STK32B: variants seen among roughly 807,000 people sequenced by gnomAD.
The protein encoded by STK32B is serine/threonine-protein kinase 32B.
Under a neutral mutation model 52.6 loss-of-function variants are expected in STK32B, and 43 were observed. The observed-to-expected ratio is 0.82, with a 90% confidence interval of 0.64 to 1.05. The LOEUF is 1.05. STK32B is among the 50% of genes least tolerant of loss of function. STK32B has a pLI of 0.00. For synonymous variants in STK32B, 238 were observed against 204.3 expected (o/e 1.17, Z -1.41); for missense variants, 621 against 534.6 (o/e 1.16, Z -1.59).
intron 4 of STK32B, among the ~76,000 whole-genome samples, chr4:5,389,619 A>G (rs1475614961): frequency 1.3e-5 from 2 of 152,072 alleles, no homozygotes; most frequent in Non-Finnish European, 2.9e-5. Flanking sequence ...TCTCCCAACT[A>G]TGGTTGCATT....
At chr4:5,195,212 T>C (rs1560214687) in intron 3 of STK32B, among the ~76,000 whole-genome samples, 1 of 152,146 alleles carries the variant, frequency 6.6e-6, no homozygotes, top group Non-Finnish European at 1.5e-5. Context: ...TTCTTTGTGA[T>C]TGGCAGGACA....
At chr4:5,149,400 T>C (rs1420616472) in intron 2 of STK32B, among the ~76,000 whole-genome samples, 3 of 151,926 alleles carry the variant, frequency 2.0e-5, no homozygotes, top group Non-Finnish European at 4.4e-5. Context: ...CTTCTTTTTT[T>C]CTTGTCTCTG....
At chr4:5,137,411 T>C (rs995778) in intron 1 of STK32B, among the ~76,000 whole-genome samples, 147,209 of 152,226 alleles carry the variant, frequency 0.97, 71,355 homozygotes, top group East Asian at 1. Flanking sequence ...TTCCAGTTCA[T>C]CACTCGGATA....
At chr4:5,139,732 G>T in intron 1 of STK32B, 173 bp from the exon 2 acceptor site, 1 of 633,276 alleles carries the variant, frequency 1.6e-6, no homozygotes, top group Non-Finnish European at 2.8e-6. Flanking sequence ...GGAAAAAATG[G>T]AATGTGCTGC....
chr4:5,362,865 C>A (rs116800812), intron 4 of STK32B, among the ~76,000 whole-genome samples: 2 of 152,186 alleles, frequency 1.3e-5, no homozygotes, highest in Non-Finnish European at 2.9e-5. Context: ...ATAACCTTGT[C>A]TCTATGGTTA....
chr4:5,219,368 CACT>C (rs1273475840), intron 3 of STK32B, among the ~76,000 whole-genome samples: 1 of 152,218 alleles, frequency 6.6e-6, no homozygotes, highest in East Asian at 1.9e-4. Flanking sequence ...GGCCTGACAA[CACT>C]ACATTTTTTT....
intron 11 of STK32B, among the ~76,000 whole-genome samples, chr4:5,468,275 G>T (rs74405928): frequency 0.027 from 4,078 of 152,320 alleles, 196 homozygotes; most frequent in African/African-American, 0.09. Context: ...CTGCTGTGTG[G>T]CCTGAGCCAG....
intron 11 of STK32B, among the ~76,000 whole-genome samples, chr4:5,477,674 C>G (rs531255601): frequency 9.2e-5 from 14 of 152,336 alleles, no homozygotes; most frequent in Admixed American, 5.2e-4. Flanking sequence ...TGGCAGTGAT[C>G]ATGACAGAGG....
At chr4:5,464,783 T>C (rs1186009788) in intron 9 of STK32B, among the ~76,000 whole-genome samples, 1 of 152,188 alleles carries the variant, frequency 6.6e-6, no homozygotes, top group African/African-American at 2.4e-5. Flanking sequence ...TGAATTCAGA[T>C]GGTCTAGATC....
chr4:5,331,421 G>A (rs1441463988), intron 4 of STK32B, 28 bp downstream of exon 4: 1 of 1,588,008 alleles, frequency 6.3e-7, no homozygotes, highest in Non-Finnish European at 8.6e-7. Flanking sequence ...GGGATGCCTG[G>A]GACAGAGGGA....
At chr4:5,030,578 C>T in the STK32B span, among the ~76,000 whole-genome samples, 2 of 152,170 alleles carry the variant, frequency 1.3e-5, no homozygotes, top group Non-Finnish European at 2.9e-5. Flanking sequence ...AAGCAATCCT[C>T]ATAAAAACCT....
chr4:5,197,192 C>T (rs1468789475), intron 3 of STK32B, among the ~76,000 whole-genome samples: 1 of 152,182 alleles, frequency 6.6e-6, no homozygotes, highest in East Asian at 1.9e-4. Flanking sequence ...TAGCAAAGAG[C>T]TCACCTTGGC....
intron 3 of STK32B, among the ~76,000 whole-genome samples, chr4:5,247,344 G>T (rs988892180): frequency 6.6e-6 from 1 of 152,234 alleles, no homozygotes; most frequent in African/African-American, 2.4e-5. Flanking sequence ...CAATGAGCGA[G>T]GCTCCATAGG....
At chr4:5,238,677 C>T (rs4395447) in intron 3 of STK32B, among the ~76,000 whole-genome samples, 10,876 of 152,124 alleles carry the variant, frequency 0.071, 708 homozygotes, top group African/African-American at 0.17. Context: ...AAAATTTAGC[C>T]GTGAAAAATA....
chr4:5,379,930 C>T (rs1735832995), intron 4 of STK32B, among the ~76,000 whole-genome samples: 1 of 152,200 alleles, frequency 6.6e-6, no homozygotes, highest in Non-Finnish European at 1.5e-5. Flanking sequence ...TTTGGGATCA[C>T]CTTAGCGATG....
chr4:5,167,061 C>T (rs1006972582), intron 2 of STK32B, among the ~76,000 whole-genome samples: 9 of 152,270 alleles, frequency 5.9e-5, no homozygotes, highest in South Asian at 2.1e-4. Flanking sequence ...CTCGGCTCCA[C>T]GCCCTCCGTT....
At chr4:5,111,401 G>A (rs1022191735) in intron 1 of STK32B, among the ~76,000 whole-genome samples, 1 of 152,026 alleles carries the variant, frequency 6.6e-6, no homozygotes, top group Non-Finnish European at 1.5e-5. Flanking sequence ...AGAAATTGTG[G>A]TGTGTGTGTG....
chr4:5,410,379 A>T (rs1711572210), intron 5 of STK32B, among the ~76,000 whole-genome samples: 1 of 152,254 alleles, frequency 6.6e-6, no homozygotes, highest in African/African-American at 2.4e-5. Flanking sequence ...TTCAAGAATG[A>T]TGAAAGTGAA....
intron 11 of STK32B, among the ~76,000 whole-genome samples, chr4:5,490,527 A>G (rs1241670227): frequency 2.6e-5 from 4 of 152,056 alleles, no homozygotes; most frequent in African/African-American, 2.4e-5. Flanking sequence ...GGCCTAAAAG[A>G]TAAGTTATTT....
Sources: gnomAD v4.1 joint callset for allele counts (sites outside exome capture counted in the v4.1 genomes callset) on GRCh38, gnomAD v4.1.1 for gene constraint, MANE v1.5 for transcripts, NCBI Gene and HGNC (gene_info 2026-07-23, HGNC 2026-07-21) for gene names.